The following PTPRD variants were observed in gnomAD, a reference collection of about 807,000 sequenced individuals.
The protein encoded by PTPRD is protein tyrosine phosphatase receptor type D.
In PTPRD, 34 loss-of-function variants were observed where a neutral mutation model predicts 214.5. The observed-to-expected ratio is 0.16, with a 90% CI of 0.12 to 0.21. The LOEUF (loss-of-function observed/expected upper bound fraction) is 0.21. Ranked by LOEUF, PTPRD falls within the 10% of genes least tolerant of loss-of-function variation. The probability of loss-of-function intolerance (pLI) is 1.00; values close to 1 mark genes in which losing one functional copy is unlikely to be tolerated. For synonymous variants in PTPRD, 1,128 were observed against 845.7 expected (o/e 1.33, Z -5.79); for missense variants, 2,545 against 2,398.7 (o/e 1.06, Z -1.27).
intron 2 of PTPRD, among the ~76,000 whole-genome samples, chr9:10,408,797 A>G (rs2098404061): frequency 6.6e-6 from 1 of 151,700 alleles, no homozygotes; most frequent in Non-Finnish European, 1.5e-5. Context: ...CCAAGTTTCT[A>G]CACCTTAGAA....
chr9:9,447,765 G>A (rs2090931834), intron 8 of PTPRD, among the ~76,000 whole-genome samples: 1 of 152,104 alleles, frequency 6.6e-6, no homozygotes, highest in African/African-American at 2.4e-5. Flanking sequence ...GGGTACCTCA[G>A]TATGTGAAAT....
chr9:9,954,533 T>A (rs1207218764), intron 4 of PTPRD, among the ~76,000 whole-genome samples: 1 of 149,274 alleles, frequency 6.7e-6, no homozygotes, highest in East Asian at 2.0e-4. Context: ...AAATTTTTCA[T>A]AGTTTAAAAC....
intron 14 of PTPRD, among the ~76,000 whole-genome samples, chr9:8,622,366 T>C (rs1183102320): frequency 6.6e-6 from 1 of 151,962 alleles, no homozygotes; most frequent in Non-Finnish European, 1.5e-5. Context: ...CAAACACATC[T>C]TACATTTCAA....
At chr9:9,546,096 G>T (rs1453528574) in intron 8 of PTPRD, among the ~76,000 whole-genome samples, 1 of 151,184 alleles carries the variant, frequency 6.6e-6, no homozygotes, top group East Asian at 2.0e-4. Context: ...GTTTATTTCT[G>T]GTATATAGAA....
At chr9:9,981,050 C>T (rs1000344304) in intron 4 of PTPRD, among the ~76,000 whole-genome samples, 2 of 90,118 alleles carry the variant, frequency 2.2e-5, no homozygotes, top group Non-Finnish European at 5.2e-5. Flanking sequence ...TATTTCCTAA[C>T]AAAGTTCTCC....
intron 10 of PTPRD, among the ~76,000 whole-genome samples, chr9:9,164,910 G>T (rs1021188494): frequency 6.7e-6 from 1 of 149,078 alleles, no homozygotes; most frequent in African/African-American, 2.4e-5. Flanking sequence ...GAAATTAGCC[G>T]GGTGTGGTGG....
intron 12 of PTPRD, among the ~76,000 whole-genome samples, chr9:8,662,393 G>C (rs1475445852): frequency 6.6e-6 from 1 of 152,120 alleles, no homozygotes; most frequent in Non-Finnish European, 1.5e-5. Flanking sequence ...CCAATCTTGG[G>C]ATCAAGAGAC....
intron 6 of PTPRD, among the ~76,000 whole-genome samples, chr9:9,762,088 C>G (rs572738257): frequency 1.6e-4 from 24 of 152,298 alleles, no homozygotes; most frequent in African/African-American, 5.5e-4. Flanking sequence ...CTATAGGAAA[C>G]CCCACCCTTA....
At chr9:10,470,179 C>T (rs997219499) in intron 2 of PTPRD, among the ~76,000 whole-genome samples, 6 of 152,042 alleles carry the variant, frequency 3.9e-5, no homozygotes, top group Non-Finnish European at 7.3e-5. Context: ...TAAATACCCA[C>T]ATTTGATCAT....
At chr9:8,378,727 C>A (rs930645762) in intron 37 of PTPRD, among the ~76,000 whole-genome samples, 1 of 152,004 alleles carries the variant, frequency 6.6e-6, no homozygotes, top group East Asian at 1.9e-4. Context: ...ATCTATACAG[C>A]CAGTTCAATG....
At chr9:9,931,061 G>A (rs2086315201) in intron 5 of PTPRD, among the ~76,000 whole-genome samples, 1 of 151,946 alleles carries the variant, frequency 6.6e-6, no homozygotes, top group African/African-American at 2.4e-5. Context: ...AGAAAATATG[G>A]TGACTATTTT....
intron 9 of PTPRD, among the ~76,000 whole-genome samples, chr9:9,288,952 G>A (rs1421074764): frequency 1.3e-5 from 2 of 151,836 alleles, no homozygotes; most frequent in African/African-American, 4.8e-5. Flanking sequence ...CTTATGCCAT[G>A]ATTATAAGTT....
At chr9:10,425,217 T>C (rs536957981) in intron 2 of PTPRD, among the ~76,000 whole-genome samples, 17 of 152,066 alleles carry the variant, frequency 1.1e-4, no homozygotes, top group African/African-American at 4.1e-4. Context: ...AGTCAGCTCA[T>C]TAGAGTTATT....
At chr9:10,030,377 C>T (rs1356059002) in intron 4 of PTPRD, among the ~76,000 whole-genome samples, 3 of 152,130 alleles carry the variant, frequency 2.0e-5, no homozygotes, top group African/African-American at 7.2e-5. Context: ...TCAATTTTCA[C>T]ATATTTTAAG....
intron 9 of PTPRD, among the ~76,000 whole-genome samples, chr9:9,213,334 G>A (rs9696300): frequency 0.55 from 83,253 of 151,864 alleles, 23,429 homozygotes; most frequent in Middle Eastern, 0.65. Flanking sequence ...AACAGGAAAG[G>A]TTTTTCCATT....
intron 9 of PTPRD, among the ~76,000 whole-genome samples, chr9:9,245,454 T>C (rs1232138931): frequency 1.3e-5 from 2 of 151,874 alleles, no homozygotes; most frequent in South Asian, 2.1e-4. Flanking sequence ...AAATGATGAG[T>C]TCGTGTCCTT....
chr9:9,804,817 TATA>T (rs2099062920), intron 5 of PTPRD, among the ~76,000 whole-genome samples: 2 of 151,340 alleles, frequency 1.3e-5, no homozygotes, highest in Non-Finnish European at 2.9e-5. Flanking sequence ...ATATAATTTT[TATA>T]ATATTATGTT....
At chr9:9,588,993 T>G (rs1413642474) in intron 7 of PTPRD, among the ~76,000 whole-genome samples, 1 of 151,944 alleles carries the variant, frequency 6.6e-6, no homozygotes, top group Non-Finnish European at 1.5e-5. Flanking sequence ...GTGGCAAAAT[T>G]TTTGTTCAAT....
At chr9:10,114,293 G>T (rs904362594) in intron 3 of PTPRD, among the ~76,000 whole-genome samples, 5 of 152,068 alleles carry the variant, frequency 3.3e-5, no homozygotes, top group Admixed American at 2.6e-4. Context: ...CTATTGAAGG[G>T]GTCAAAGGAA....
Sources: gnomAD v4.1 joint callset for allele counts (sites outside exome capture counted in the v4.1 genomes callset) on GRCh38, gnomAD v4.1.1 for gene constraint, MANE v1.5 for transcripts, NCBI Gene and HGNC (gene_info 2026-07-23, HGNC 2026-07-21) for gene names.